CDH13: variants seen among roughly 807,000 people sequenced by gnomAD.
The protein encoded by CDH13 is cadherin 13, also known as cadherin-13.
CDH13 carries 24 observed loss-of-function variants against 63.8 expected under a neutral mutation model. The ratio of observed to expected loss-of-function variants is 0.38; its 90% confidence interval spans 0.27 to 0.53. The LOEUF is 0.53. Ranked by LOEUF, CDH13 falls within the 20% of genes least tolerant of loss-of-function variation. CDH13 has a pLI of 0.85. For missense variants in CDH13, 1,049 were observed against 903.1 expected (o/e 1.16, Z -2.07); for synonymous variants, 503 against 355.3 (o/e 1.42, Z -4.67).
At chr16:82,696,481 T>A (rs927877860) in intron 1 of CDH13, among the ~76,000 whole-genome samples, 1 of 152,226 alleles carries the variant, frequency 6.6e-6, no homozygotes, top group Admixed American at 6.5e-5. Flanking sequence ...GCAACATGAA[T>A]GACAGCTTTG....
chr16:82,997,193 G>C (rs1018987826), intron 2 of CDH13, among the ~76,000 whole-genome samples: 1 of 151,950 alleles, frequency 6.6e-6, no homozygotes, highest in South Asian at 2.1e-4. Context: ...TGATGTTGAT[G>C]GTAGTGATGA....
At chr16:83,459,172 G>A (rs1161936581) in intron 6 of CDH13, among the ~76,000 whole-genome samples, 1 of 152,156 alleles carries the variant, frequency 6.6e-6, no homozygotes, top group Non-Finnish European at 1.5e-5. Context: ...ACATCTTAAT[G>A]AAAATAACAG....
intron 6 of CDH13, among the ~76,000 whole-genome samples, chr16:83,444,793 G>T (rs73601905): frequency 0.045 from 6,798 of 152,246 alleles, 479 homozygotes; most frequent in African/African-American, 0.15. Context: ...TATTCTGTTC[G>T]AAATGAAAAT....
intron 5 of CDH13, among the ~76,000 whole-genome samples, chr16:83,316,578 A>G (rs2090110031): frequency 6.6e-6 from 1 of 152,146 alleles, no homozygotes; most frequent in South Asian, 2.1e-4. Context: ...TAGGGAGCAC[A>G]GTAGTGAGTG....
At chr16:83,383,857 C>T (rs898221634) in intron 6 of CDH13, among the ~76,000 whole-genome samples, 1 of 152,164 alleles carries the variant, frequency 6.6e-6, no homozygotes, top group South Asian at 2.1e-4. Context: ...CTTTAGAAAT[C>T]AGTGTCTGGG....
At chr16:82,807,761 A>G (rs1208064283) in intron 1 of CDH13, among the ~76,000 whole-genome samples, 2 of 152,154 alleles carry the variant, frequency 1.3e-5, no homozygotes, top group African/African-American at 4.8e-5. Context: ...AAACACCACA[A>G]TGGAGCATTT....
chr16:83,351,569 C>T (rs1567610745), intron 6 of CDH13, among the ~76,000 whole-genome samples: 2 of 152,176 alleles, frequency 1.3e-5, no homozygotes. Context: ...AAACATCAAG[C>T]AACATCATTG....
chr16:82,693,963 T>C (rs903968466), intron 1 of CDH13, among the ~76,000 whole-genome samples: 5 of 152,216 alleles, frequency 3.3e-5, no homozygotes, highest in African/African-American at 1.2e-4. Flanking sequence ...TAAAATGATG[T>C]CATTTATTTG....
At chr16:83,027,218 C>T (rs1376617894) in intron 2 of CDH13, among the ~76,000 whole-genome samples, 1 of 145,884 alleles carries the variant, frequency 6.9e-6, no homozygotes, top group African/African-American at 2.5e-5. Context: ...TGTGGAAAAA[C>T]ATGCTGTTCA....
chr16:82,832,596 C>T (rs1485425861), intron 1 of CDH13, among the ~76,000 whole-genome samples: 2 of 63,112 alleles, frequency 3.2e-5, no homozygotes, highest in Non-Finnish European at 6.2e-5. Context: ...GTGCAAGATT[C>T]CCAGCAAAAA....
chr16:83,441,438 C>T (rs2072477283), intron 6 of CDH13, among the ~76,000 whole-genome samples: 2 of 152,332 alleles, frequency 1.3e-5, no homozygotes, highest in Admixed American at 6.5e-5. Context: ...CAAATATTAA[C>T]AGTGACTTTC....
At chr16:83,049,405 A>T (rs1388689727) in intron 3 of CDH13, among the ~76,000 whole-genome samples, 11 of 128,468 alleles carry the variant, frequency 8.6e-5, no homozygotes, top group South Asian at 7.1e-4. Flanking sequence ...TGCGATCTCT[A>T]TTCACTGCAA....
chr16:82,813,885 G>T (rs1475404776), intron 1 of CDH13, among the ~76,000 whole-genome samples: 2 of 152,164 alleles, frequency 1.3e-5, no homozygotes, highest in Non-Finnish European at 1.5e-5. Context: ...CCTTGAACAA[G>T]TCTCTTGCCC....
chr16:83,594,127 C>A (rs1907032937), intron 7 of CDH13, among the ~76,000 whole-genome samples: 2 of 152,238 alleles, frequency 1.3e-5, no homozygotes, highest in Non-Finnish European at 1.5e-5. Context: ...CACTCAGTGG[C>A]TGTTGGCAGC....
intron 7 of CDH13, among the ~76,000 whole-genome samples, chr16:83,570,318 C>T (rs1250758571): frequency 6.6e-6 from 1 of 152,100 alleles, no homozygotes; most frequent in Non-Finnish European, 1.5e-5. Flanking sequence ...TCTGTCTGTT[C>T]ACCCCACCTT....
At chr16:83,131,194 CCCCCCCCG>C in intron 4 of CDH13, among the ~76,000 whole-genome samples, 1 of 128,568 alleles carries the variant, frequency 7.8e-6, no homozygotes, top group Admixed American at 7.4e-5. Context: ...CCCCCCCCCC[CCCCCCCCG>C]CCCACAGACA....
At chr16:83,702,589 C>T (rs1002033134) in intron 10 of CDH13, among the ~76,000 whole-genome samples, 5 of 152,292 alleles carry the variant, frequency 3.3e-5, no homozygotes, top group Admixed American at 2.6e-4. Context: ...GTTCAGCCCG[C>T]CTGTATGTTC....
At chr16:83,676,109 T>C (rs2150866984) in intron 9 of CDH13, among the ~76,000 whole-genome samples, 1 of 152,284 alleles carries the variant, frequency 6.6e-6, no homozygotes, top group Middle Eastern at 3.4e-3. Context: ...AATTGTCTCC[T>C]TGGGAAAAAA....
At chr16:83,539,562 G>C (rs1230912993) in intron 7 of CDH13, among the ~76,000 whole-genome samples, 1 of 152,214 alleles carries the variant, frequency 6.6e-6, no homozygotes, top group Non-Finnish European at 1.5e-5. Flanking sequence ...AAATCTGACA[G>C]GAGAAGGCAC....
Sources: gnomAD v4.1 joint callset for allele counts (sites outside exome capture counted in the v4.1 genomes callset) on GRCh38, gnomAD v4.1.1 for gene constraint, MANE v1.5 for transcripts, NCBI Gene and HGNC (gene_info 2026-07-23, HGNC 2026-07-21) for gene names.